Variants in ZPLD1 observed in about 807,000 individuals in gnomAD.
The protein encoded by ZPLD1 is zona pellucida-like domain-containing protein 1.
A neutral mutation model predicts 47.2 loss-of-function variants in ZPLD1; 34 were observed. That is an observed-to-expected ratio of 0.72 (90% confidence interval 0.55 to 0.96). The LOEUF is 0.96. Ranked by LOEUF, ZPLD1 falls within the 40% of genes least tolerant of loss-of-function variation. ZPLD1 has a pLI of 0.00. For synonymous variants in ZPLD1, 176 were observed against 186.2 expected (o/e 0.95, Z 0.45); for missense variants, 512 against 505.8 (o/e 1.01, Z -0.12).
intron 3 of ZPLD1, among the ~76,000 whole-genome samples, chr3:102,445,447 G>A (rs1177573111): frequency 6.6e-6 from 1 of 152,092 alleles, no homozygotes; most frequent in East Asian, 1.9e-4. Flanking sequence ...TTGTTAAGAG[G>A]CTTAAACTCA....
intron 3 of ZPLD1, among the ~76,000 whole-genome samples, chr3:102,439,652 C>T (rs1436609707): frequency 2.0e-5 from 3 of 152,022 alleles, no homozygotes; most frequent in Admixed American, 2.0e-4. Flanking sequence ...GATTATCTAG[C>T]GTTATCAATT....
Position 102,443,540 on chromosome 3 carries a change from T to A in ZPLD1, c.106+4947T>A, listed in dbSNP as rs181139608. ...GAGATTCTCAATGGAAATTGCCACG[T>A]CTAAGGATCTGAAAAGTCATGTGTT... On this transcript the variant is annotated intron_variant, in intron 3 of 11. Transcript: ENST00000466937. Among the ~76,000 whole-genome samples the A allele has an allele frequency of 1.1e-4, 17 of 152,296 alleles. No homozygotes were observed. The East Asian group carries it at 3.3e-3, about 29-fold the overall frequency.
At chr3:102,477,075 A>G (rs750603076) in intron 11 of ZPLD1, 34 bp downstream of exon 11, 1 of 1,610,956 alleles carries the variant, frequency 6.2e-7, no homozygotes, top group Non-Finnish European at 8.5e-7. Flanking sequence ...AATGTTTTTT[A>G]CATTTTTGGT....
Position 102,418,438 on chromosome 3 carries a change from G to A in ZPLD1, c.-9+231G>A, listed in dbSNP as rs545600128. Among the ~76,000 whole-genome samples, 8 of 152,078 alleles carry A rather than the reference G, an allele frequency of 5.3e-5. No individual in the cohort carries two copies. The South Asian group carries it at 1.7e-3, about 32-fold the overall frequency. On this transcript the variant is annotated intron_variant, in intron 8 of 17. Transcript: ENST00000491959. ...AACATCTTCCCCTACTTGGGTGCAG[G>A]AAGATAGAAACAAAATTGTATTTTG... is the stretch of plus-strand genomic sequence containing the variant.
chr3:102,476,959 G>A, intron 10 of ZPLD1, 53 bp from the exon 11 acceptor site: 1 of 1,585,846 alleles, frequency 6.3e-7, no homozygotes, highest in Non-Finnish European at 8.7e-7. Context: ...ATAAACAAAG[G>A]TAAATATTTG....
In ZPLD1 at chr3:102,462,272, C is replaced by T. The variant is rs1452827232; in HGVS notation, c.583-9C>T. ...GGTAATAATAGATTTTTTATTGTTT[C>T]ATCATTAGGATTCAACCTACAACCA... On this transcript the variant is annotated splice_polypyrimidine_tract_variant and intron_variant, in intron 6 of 11. Coordinates refer to ENST00000466937, the MANE Select transcript of ZPLD1 (RefSeq NM_001329788.2). The T allele has an allele frequency of 6.4e-7, 1 of 1,568,918 alleles. No homozygotes were observed. Among genetic ancestry groups the T allele is most frequent in the African/African-American group, 1.4e-5 (1 of 73,470 alleles).
chr3:102,437,006 C>T, intron 2 of ZPLD1, 33 bp downstream of exon 2: 1 of 912,816 alleles, frequency 1.1e-6, no homozygotes, highest in African/African-American at 1.8e-5. Flanking sequence ...CTTATTCAGG[C>T]TTCTTTCTTT....
At chr3:102,446,684 A>G (rs1369932684) in intron 3 of ZPLD1, among the ~76,000 whole-genome samples, 1 of 152,202 alleles carries the variant, frequency 6.6e-6, no homozygotes, top group Non-Finnish European at 1.5e-5. Flanking sequence ...ACTTCCTTAT[A>G]GAATCTAACC....
intron 6 of ZPLD1, among the ~76,000 whole-genome samples, chr3:102,461,315 G>A (rs567579726): frequency 6.6e-6 from 1 of 151,726 alleles, no homozygotes; most frequent in Non-Finnish European, 1.5e-5. Flanking sequence ...AATTTGGAGG[G>A]TTTTTTTGGT....
intron 8 of ZPLD1, among the ~76,000 whole-genome samples, chr3:102,428,511 A>G (rs1706977435): frequency 6.6e-6 from 1 of 152,186 alleles, no homozygotes; most frequent in African/African-American, 2.4e-5. Context: ...AATAATTTTT[A>G]AGTGGCCTTT....
chr3:102,420,687 C>T (rs1477896017), intron 8 of ZPLD1, among the ~76,000 whole-genome samples: 1 of 151,248 alleles, frequency 6.6e-6, no homozygotes, highest in African/African-American at 2.4e-5. Flanking sequence ...CAGAATTTGG[C>T]TTGCCGGCTG....
chr3:102,409,193 G>T (rs979547137), intron 7 of ZPLD1, among the ~76,000 whole-genome samples: 1 of 151,818 alleles, frequency 6.6e-6, no homozygotes. Context: ...ACATGGTGAG[G>T]AAGAGCAGGT....
chr3:102,464,045 G>A (rs549885763), intron 7 of ZPLD1, 126 bp from the exon 8 acceptor site: 10 of 705,624 alleles, frequency 1.4e-5, no homozygotes, highest in Non-Finnish European at 2.4e-5. Flanking sequence ...ACAAGACTCC[G>A]TCTCAAAAAA....
At chr3:102,460,214 A>T (rs1314912446) in intron 6 of ZPLD1, among the ~76,000 whole-genome samples, 2 of 152,012 alleles carry the variant, frequency 1.3e-5, no homozygotes, top group East Asian at 3.8e-4. Flanking sequence ...TTCACATGGA[A>T]TGTTTTTTAT....
chr3:102,478,243 T>G lies in ZPLD1; in HGVS notation c.*625T>G, dbSNP rs1386391252. 1 of 152,208 alleles carries G rather than the reference T, an allele frequency of 6.6e-6. No homozygotes were observed. Among genetic ancestry groups the G allele is most frequent in the Non-Finnish European group, 1.5e-5 (1 of 68,046 alleles). The allele number at this position is 152,208 out of a possible 1,614,324, so 9.4% of individuals were successfully genotyped here. A position where few individuals can be genotyped will look rare whatever the true frequency, so the allele number is the denominator to read the frequency against. On this transcript the variant is annotated 3_prime_UTR_variant, in exon 12 of 12. Coordinates refer to ENST00000466937, the MANE Select transcript of ZPLD1 (RefSeq NM_001329788.2). ...TTTGTGTAGAAGATAGTGAAAATAG[T>G]TGTTAGCTTCCAAGGCTACTGCTAA...
chr3:102,423,399 G>A (rs900164645), intron 8 of ZPLD1, among the ~76,000 whole-genome samples: 1 of 151,892 alleles, frequency 6.6e-6, no homozygotes, highest in Non-Finnish European at 1.5e-5. Flanking sequence ...ATCACTGTAG[G>A]AGAAATTTGG....
chr3:102,392,122 G>C (rs900774382), intron 6 of ZPLD1: 1 of 152,068 alleles, frequency 6.6e-6, no homozygotes, highest in Non-Finnish European at 1.5e-5. Context: ...AAAGTTTGCT[G>C]ACTTCTGCTT....
intron 6 of ZPLD1, among the ~76,000 whole-genome samples, chr3:102,460,448 T>C (rs898473601): frequency 1.3e-5 from 2 of 152,020 alleles, no homozygotes; most frequent in African/African-American, 2.4e-5. Context: ...CCAGTTGAAC[T>C]GTGGCTTTAT....
At chr3:102,393,659 A>C (rs80256958) in intron 7 of ZPLD1, among the ~76,000 whole-genome samples, 12 of 152,072 alleles carry the variant, frequency 7.9e-5, no homozygotes, top group African/African-American at 2.7e-4. Flanking sequence ...AAAAAAAAAA[A>C]AACTCTGGAT....
Sources: allele counts gnomAD v4.1 joint callset (sites outside exome capture counted in the v4.1 genomes callset), GRCh38; gene constraint gnomAD v4.1.1; transcripts MANE v1.5; gene names NCBI Gene and HGNC (gene_info 2026-07-23, HGNC 2026-07-21).